The following PLCXD3 variants were observed in gnomAD, a reference collection of about 807,000 sequenced individuals.
PLCXD3 encodes PI-PLC X domain-containing protein 3.
Under a neutral mutation model 25.5 loss-of-function variants are expected in PLCXD3, and 19 were observed. That is an observed-to-expected ratio of 0.75 (90% confidence interval 0.52 to 1.09). PLCXD3 has a LOEUF of 1.09. PLCXD3 is among the 50% of genes least tolerant of loss of function. PLCXD3 has a pLI of 0.00. For missense variants in PLCXD3, 411 were observed against 388.1 expected (o/e 1.06, Z -0.50); for synonymous variants, 174 against 137.6 (o/e 1.26, Z -1.85).
intron 1 of PLCXD3, among the ~76,000 whole-genome samples, chr5:41,508,081 G>T (rs1749090957): frequency 6.6e-6 from 1 of 152,172 alleles, no homozygotes; most frequent in Non-Finnish European, 1.5e-5. Context: ...AAAAATGTTG[G>T]TCTATTTTTT....
rs981909350 is a variant in PLCXD3 at position 41,312,538 on chromosome 5, C to G, written c.*1079G>C. 2.6e-5 allele frequency: 4 copies of G among 151,764 alleles called. No homozygotes were observed. The highest frequency in any genetic ancestry group is 9.7e-5 in the African/African-American group (4 of 41,332). The allele number at this position is 151,764 out of a possible 1,614,324, so 9.4% of individuals were successfully genotyped here. On this transcript the variant is annotated 3_prime_UTR_variant, in exon 3 of 3. Transcript: ENST00000377801. ...GAAAGCTTGCAGTCTTTTTCTTCTTCCTTCCTCTCTTCCTCCCTCCCTCCC... is the reference window on the plus strand; with the variant it reads ...GAAAGCTTGCAGTCTTTTTCTTCTTGCTTCCTCTCTTCCTCCCTCCCTCCC...
chr5:41,440,215 A>ATTTTTTTTTTTTTTTTTTTTT (rs70988846), intron 1 of PLCXD3, among the ~76,000 whole-genome samples: 20 of 41,076 alleles, frequency 4.9e-4, no homozygotes, highest in African/African-American at 6.2e-4. Flanking sequence ...TAATCTCTCA[A>ATTTTTTTTTTTTTTTTTTTTT]TTTTTTTTTT....
chr5:41,340,052 T>C (rs1395596423), intron 2 of PLCXD3, among the ~76,000 whole-genome samples: 1 of 152,176 alleles, frequency 6.6e-6, no homozygotes, highest in Non-Finnish European at 1.5e-5. Context: ...TTCTGGAATC[T>C]CAGTTAACCT....
intron 1 of PLCXD3, among the ~76,000 whole-genome samples, chr5:41,493,368 C>CTCAGGGG (rs1217656483): frequency 1.3e-5 from 2 of 152,210 alleles, no homozygotes; most frequent in Non-Finnish European, 2.9e-5. Context: ...AGTTAGGCTG[C>CTCAGGGG]TCAGGGGTCA....
intron 2 of PLCXD3, among the ~76,000 whole-genome samples, chr5:41,342,914 G>A (rs548925677): frequency 2.2e-4 from 34 of 152,046 alleles, no homozygotes; most frequent in Non-Finnish European, 4.7e-4. Context: ...TATCTAAGAA[G>A]GATGATTTCT....
At chr5:41,357,494 A>G (rs567997211) in intron 2 of PLCXD3, among the ~76,000 whole-genome samples, 1 of 152,178 alleles carries the variant, frequency 6.6e-6, no homozygotes, top group South Asian at 2.1e-4. Flanking sequence ...CTCCAAAACT[A>G]CTCAGAAAAT....
intron 1 of PLCXD3, among the ~76,000 whole-genome samples, chr5:41,462,035 C>T (rs916035072): frequency 2.0e-5 from 3 of 151,982 alleles, no homozygotes; most frequent in Admixed American, 6.6e-5. Flanking sequence ...GAAGCTCACA[C>T]GTGCACTCAG....
chr5:41,468,153 G>T (rs1748069083), intron 1 of PLCXD3, among the ~76,000 whole-genome samples: 1 of 150,614 alleles, frequency 6.6e-6, no homozygotes, highest in African/African-American at 2.4e-5. Flanking sequence ...GAGTAGCTGG[G>T]ATAACAGGCA....
At chr5:41,317,919 A>G (rs1347438626) in intron 2 of PLCXD3, among the ~76,000 whole-genome samples, 1 of 152,136 alleles carries the variant, frequency 6.6e-6, no homozygotes, top group Admixed American at 6.5e-5. Flanking sequence ...TTAAATAAGT[A>G]GAAAAGAAAG....
At chr5:41,417,949 C>G (rs1746731279) in intron 1 of PLCXD3, among the ~76,000 whole-genome samples, 1 of 152,168 alleles carries the variant, frequency 6.6e-6, no homozygotes, top group Non-Finnish European at 1.5e-5. Flanking sequence ...ATTTCACTAC[C>G]TACTAACAGT....
intron 2 of PLCXD3, among the ~76,000 whole-genome samples, chr5:41,340,360 A>G (rs554096382): frequency 1.0e-3 from 156 of 152,326 alleles, no homozygotes; most frequent in Non-Finnish European, 1.8e-3. Context: ...AACAAAATAT[A>G]TTAGTTTCAT....
chr5:41,402,762 G>T (rs1432681689), intron 1 of PLCXD3, among the ~76,000 whole-genome samples: 1 of 151,878 alleles, frequency 6.6e-6, no homozygotes, highest in Non-Finnish European at 1.5e-5. Flanking sequence ...TATAATTGTT[G>T]TGTCTTTTAA....
At chr5:41,329,853 A>G (rs972785152) in intron 2 of PLCXD3, among the ~76,000 whole-genome samples, 1 of 149,932 alleles carries the variant, frequency 6.7e-6, no homozygotes, top group Non-Finnish European at 1.5e-5. Context: ...TTATCATTTT[A>G]TTAATTAGAA....
chr5:41,507,070 C>A (rs554526372), intron 1 of PLCXD3, among the ~76,000 whole-genome samples: 12 of 152,298 alleles, frequency 7.9e-5, no homozygotes, highest in African/African-American at 2.9e-4. Flanking sequence ...ATGCAGATTA[C>A]CAGCACCTTA....
intron 1 of PLCXD3, among the ~76,000 whole-genome samples, chr5:41,447,512 A>C (rs1407150350): frequency 1.3e-5 from 2 of 152,300 alleles, no homozygotes; most frequent in Admixed American, 1.3e-4. Flanking sequence ...GTTCAGAGAG[A>C]CAGAACCAGT....
chr5:41,331,745 A>T (rs917753625), intron 2 of PLCXD3, among the ~76,000 whole-genome samples: 37 of 152,320 alleles, frequency 2.4e-4, no homozygotes, highest in Non-Finnish European at 5.0e-4. Context: ...CAAAACAGAG[A>T]TATAGACCAA....
chr5:41,333,122 C>A (rs1011565764), intron 2 of PLCXD3, among the ~76,000 whole-genome samples: 7 of 149,752 alleles, frequency 4.7e-5, no homozygotes, highest in African/African-American at 1.5e-4. Context: ...AAATAAAAGA[C>A]AAAAACAAAC....
chr5:41,459,305 G>A (rs1747822612), intron 1 of PLCXD3, among the ~76,000 whole-genome samples: 1 of 151,780 alleles, frequency 6.6e-6, no homozygotes, highest in African/African-American at 2.4e-5. Context: ...TAGTCTCCAG[G>A]ATTTCAGAAA....
At chr5:41,462,438 C>T (rs1488849871) in intron 1 of PLCXD3, among the ~76,000 whole-genome samples, 2 of 151,926 alleles carry the variant, frequency 1.3e-5, no homozygotes. Context: ...TTAATCTTGG[C>T]TGGAAATATA....
Sources: allele counts gnomAD v4.1 joint callset (sites outside exome capture counted in the v4.1 genomes callset), GRCh38; gene constraint gnomAD v4.1.1; transcripts MANE v1.5; gene names NCBI Gene and HGNC (gene_info 2026-07-23, HGNC 2026-07-21).